Variants in ESF1 observed in about 807,000 individuals in gnomAD.
ESF1 encodes ESF1 nucleolar pre-rRNA processing protein.
Under a neutral mutation model 92.0 loss-of-function variants are expected in ESF1, and 58 were observed. That is an observed-to-expected ratio of 0.63 (90% CI 0.51 to 0.78). ESF1 has a LOEUF of 0.78. Among genes scored for constraint, ESF1 ranks in the 30% least tolerant of loss-of-function variants. The probability of loss-of-function intolerance (pLI) is 0.00; values close to 1 mark genes in which losing one functional copy is unlikely to be tolerated. For synonymous variants in ESF1, 321 were observed against 313.7 expected, an observed-to-expected ratio of 1.02 and a Z score of -0.24; for missense variants, 922 against 989.1, an observed-to-expected ratio of 0.93 and a Z score of 0.91.
At position 13,772,501 on chromosome 20, in the gene ESF1, T is replaced by C. The variant is rs754284859; in HGVS notation, c.1250+14A>G. ...TTATGAGGTTTAGTTTTATGTTCTATAGTGATTTAATACCAGTCTTTTTCT... is the reference window on the plus strand; with the variant it reads ...TTATGAGGTTTAGTTTTATGTTCTACAGTGATTTAATACCAGTCTTTTTCT... On this transcript the variant is annotated intron_variant, in intron 5 of 13. Transcript: ENST00000617257. 2 of 1,549,926 alleles carry C rather than the reference T, an allele frequency of 1.3e-6. No individual in the cohort carries two copies. The highest frequency in any genetic ancestry group is 1.7e-5 in the Admixed American group (1 of 59,928).
At chr20:13,748,850 G>GTGC (rs1412114803) in intron 9 of ESF1, among the ~76,000 whole-genome samples, 1 of 151,752 alleles carries the variant, frequency 6.6e-6, no homozygotes, top group Non-Finnish European at 1.5e-5. Flanking sequence ...GCCTCCCAAA[G>GTGC]TGCTGGGATT....
At chr20:13,729,398 T>C (rs1485025434) in intron 10 of ESF1, among the ~76,000 whole-genome samples, 2 of 152,114 alleles carry the variant, frequency 1.3e-5, no homozygotes, top group African/African-American at 2.4e-5. Context: ...ATCAGACACA[T>C]AAACACATAA....
At chr20:13,748,843 T>A (rs1978459148) in intron 9 of ESF1, among the ~76,000 whole-genome samples, 1 of 151,822 alleles carries the variant, frequency 6.6e-6, no homozygotes, top group South Asian at 2.1e-4. Flanking sequence ...CACCTCAGCC[T>A]CCCAAAGTGC....
intron 9 of ESF1, among the ~76,000 whole-genome samples, chr20:13,741,172 C>T (rs147699107): frequency 1.3e-5 from 2 of 152,322 alleles, no homozygotes; most frequent in East Asian, 3.9e-4. Context: ...GCCCCATTCC[C>T]TGCCAACTCT....
intron 9 of ESF1, among the ~76,000 whole-genome samples, chr20:13,756,864 T>A (rs921864089): frequency 1.3e-5 from 2 of 152,194 alleles, no homozygotes; most frequent in Admixed American, 1.3e-4. Context: ...AAAACACACC[T>A]CTGTTTTAAA....
chr20:13,776,160 C>G lies in ESF1; in HGVS notation c.748G>C (p.Gly250Arg). 6.2e-7 allele frequency: 1 copy of G among 1,613,948 alleles called. No homozygotes were observed. Among genetic ancestry groups the G allele is most frequent in the Non-Finnish European group, 8.5e-7 (1 of 1,179,926 alleles). ...TCATTTTCAGATTCCTCATCACTTC[C>G]TATTTCACTAACGCTTTCTGAATCT... ...EEDSESVSEI[G>R]SDEESENEIT... is the part of the protein sequence containing the mutation. The change falls in exon 3 of 14, where the codon GGA becomes CGA. Residue 250 changes from glycine to arginine, a missense_variant. Gly to Arg is a moderately radical substitution (Grantham distance 125). Transcript: ENST00000617257.
intron 9 of ESF1, among the ~76,000 whole-genome samples, chr20:13,743,767 A>G (rs2050030344): frequency 6.6e-6 from 1 of 152,222 alleles, no homozygotes; most frequent in African/African-American, 2.4e-5. Flanking sequence ...ATGTTCAGTC[A>G]CAAGATGAAT....
chr20:13,778,784 C>T lies in ESF1; in HGVS notation c.638-2514G>A, dbSNP rs115624016. Among the ~76,000 whole-genome samples the T allele has an allele frequency of 2.7e-3, 416 of 152,262 alleles. 1 individual carries two copies. The highest frequency in any genetic ancestry group is 9.5e-3 in the African/African-American group (396 of 41,546). On this transcript the variant is annotated intron_variant, in intron 2 of 13. Coordinates refer to ENST00000617257, the MANE Select transcript of ESF1 (RefSeq NM_001276380.2). ...ATCTGCAGCCGAGCACAGCTGCTCA[C>T]GCCTGTAATCCCATCATATTAGGAG...
rs6042340 is a variant in ESF1 at position 13,748,479 on chromosome 20, C to T, written c.1828+11213G>A. 7.8e-3 allele frequency among the ~76,000 whole-genome samples: 686 copies of T among 87,482 alleles called. 20 individuals carry two copies. Among genetic ancestry groups the T allele is most frequent in the African/African-American group, 0.027 (633 of 23,668 alleles). 57.4% of individuals were successfully genotyped at this position (87,482 alleles called of 152,430 possible). ...ATATACATATATACACATATATACACATATACACATATATATACATATATA... is the reference window on the plus strand; with the variant it reads ...ATATACATATATACACATATATACATATATACACATATATATACATATATA... On this transcript the variant is annotated intron_variant, in intron 9 of 13. Coordinates refer to ENST00000617257, the MANE Select transcript of ESF1 (RefSeq NM_001276380.2).
intron 9 of ESF1, among the ~76,000 whole-genome samples, chr20:13,749,232 ATTTTTTTTTTTTT>A (rs71188184): frequency 0.079 from 7,143 of 89,948 alleles, 388 homozygotes; most frequent in African/African-American, 0.19. Context: ...TGCCCGGCTA[ATTTTTTTTTTTTT>A]TTTTTTTTTT....
chr20:13,771,516 T>C (rs770505752), intron 5 of ESF1, 33 bp from the exon 6 acceptor site: 32 of 1,531,206 alleles, frequency 2.1e-5, no homozygotes, highest in African/African-American at 2.8e-5. Flanking sequence ...AGCATACTTA[T>C]ACAGAAACAC....
At chr20:13,771,537 C>T (rs1194554141) in intron 5 of ESF1, 54 bp from the exon 6 acceptor site, 6 of 1,429,650 alleles carry the variant, frequency 4.2e-6, no homozygotes, top group Non-Finnish European at 5.8e-6. Context: ...AAAAATTTCC[C>T]TTTAAAAAAT....
chr20:13,738,503 G>GT (rs1568714207), intron 9 of ESF1, among the ~76,000 whole-genome samples: 2 of 151,980 alleles, frequency 1.3e-5, no homozygotes, highest in East Asian at 1.9e-4. Flanking sequence ...TTATAGAGAC[G>GT]TAAGTCTCAC....
At chr20:13,719,035 A>G in intron 11 of ESF1, 51 bp from the exon 12 acceptor site, 1 of 1,348,664 alleles carries the variant, frequency 7.4e-7, no homozygotes, top group Non-Finnish European at 1.0e-6. Context: ...GACTATCAGC[A>G]ACATTCTGTT....
chr20:13,741,107 C>T (rs1016615362), intron 9 of ESF1, among the ~76,000 whole-genome samples: 3 of 152,072 alleles, frequency 2.0e-5, no homozygotes, highest in African/African-American at 7.2e-5. Flanking sequence ...ATCATCTTGT[C>T]CCCCTAATAT....
At chr20:13,764,500 C>A (rs1044933895) in intron 8 of ESF1, among the ~76,000 whole-genome samples, 2 of 152,204 alleles carry the variant, frequency 1.3e-5, no homozygotes, top group Non-Finnish European at 2.9e-5. Flanking sequence ...CAACCCTAGG[C>A]ACAGTCGAAA....
intron 9 of ESF1, among the ~76,000 whole-genome samples, chr20:13,741,864 A>C (rs1037535191): frequency 1.3e-5 from 2 of 152,256 alleles, no homozygotes; most frequent in Non-Finnish European, 2.9e-5. Context: ...GCTGTCTTAT[A>C]CAAGACAAAG....
At chr20:13,747,958 C>A (rs117023240) in intron 9 of ESF1, among the ~76,000 whole-genome samples, 2,525 of 152,194 alleles carry the variant, frequency 0.017, 21 homozygotes, top group Non-Finnish European at 0.024. Flanking sequence ...ATGCTGTAGG[C>A]AATTGTAACA....
At chr20:13,764,984 A>C (rs1414223513) in intron 8 of ESF1, among the ~76,000 whole-genome samples, 1 of 152,262 alleles carries the variant, frequency 6.6e-6, no homozygotes, top group Non-Finnish European at 1.5e-5. Flanking sequence ...GCACTCTGGG[A>C]AGCTGAGGCA....
Sources: gnomAD v4.1 joint callset for allele counts (sites outside exome capture counted in the v4.1 genomes callset) on GRCh38, gnomAD v4.1.1 for gene constraint, MANE v1.5 for transcripts, NCBI Gene and HGNC (gene_info 2026-07-23, HGNC 2026-07-21) for gene names.